ZNF804A: variants seen among roughly 807,000 people sequenced by gnomAD.
The protein encoded by ZNF804A is zinc finger protein 804A.
In ZNF804A, 2 loss-of-function variants were observed where a neutral mutation model predicts 16.5. That is an observed-to-expected ratio of 0.12 (90% CI 0.05 to 0.38). The LOEUF is 0.38. Among genes scored for constraint, ZNF804A ranks in the 10% least tolerant of loss-of-function variants. The pLI, the probability that ZNF804A is intolerant of heterozygous loss-of-function variation, is 0.99. For synonymous variants in ZNF804A, 534 were observed against 489.6 expected (o/e 1.09, Z -1.20); for missense variants, 1,473 against 1,390.7 (o/e 1.06, Z -0.94).
At chr2:184,684,497 G>A (rs1692596607) in intron 1 of ZNF804A, among the ~76,000 whole-genome samples, 1 of 152,178 alleles carries the variant, frequency 6.6e-6, no homozygotes, top group Non-Finnish European at 1.5e-5. Context: ...TATGTATGGA[G>A]GCTGAGTATT....
At chr2:184,771,220 T>C (rs1294614277) in intron 1 of ZNF804A, among the ~76,000 whole-genome samples, 2 of 152,084 alleles carry the variant, frequency 1.3e-5, no homozygotes, top group South Asian at 2.1e-4. Context: ...TTCAACATTT[T>C]TGAAATTAAA....
rs563590119 is a variant in ZNF804A, at chr2:184,897,803, A to C, written c.255+31291A>C. On this transcript the variant is annotated intron_variant, in intron 2 of 3. Coordinates refer to ENST00000302277, the MANE Select transcript of ZNF804A (RefSeq NM_194250.2). ...CACACCCCCATACTTCCATCATTAT[A>C]GTTTCTTTGTTTCTTTATTTGTTTT... 2.0e-5 allele frequency among the ~76,000 whole-genome samples: 3 copies of C among 152,012 alleles called. No homozygotes were observed. The South Asian group carries it at 6.2e-4, about 32-fold the overall frequency.
chr2:184,705,705 C>T (rs1480523979), intron 1 of ZNF804A, among the ~76,000 whole-genome samples: 1 of 151,990 alleles, frequency 6.6e-6, no homozygotes, highest in Non-Finnish European at 1.5e-5. Flanking sequence ...AAACAACTTC[C>T]TTTCACACAT....
At chr2:184,739,556 G>A (rs1693682293) in intron 1 of ZNF804A, among the ~76,000 whole-genome samples, 1 of 152,038 alleles carries the variant, frequency 6.6e-6, no homozygotes, top group Non-Finnish European at 1.5e-5. Flanking sequence ...ACAAAGCCTG[G>A]CTCATTTTTT....
At chr2:184,601,592 G>A (rs977834434) in intron 1 of ZNF804A, among the ~76,000 whole-genome samples, 19 of 151,768 alleles carry the variant, frequency 1.3e-4, no homozygotes, top group African/African-American at 4.6e-4. Flanking sequence ...CGTGTACAAT[G>A]ATTTTAATCC....
intron 1 of ZNF804A, among the ~76,000 whole-genome samples, chr2:184,683,840 C>T (rs1692581575): frequency 6.6e-6 from 1 of 152,056 alleles, no homozygotes; most frequent in Non-Finnish European, 1.5e-5. Context: ...GTAATAATGT[C>T]AGCTTTCTTA....
intron 1 of ZNF804A, among the ~76,000 whole-genome samples, chr2:184,712,749 A>G (rs901485903): frequency 1.3e-5 from 2 of 151,434 alleles, no homozygotes; most frequent in African/African-American, 4.8e-5. Context: ...TATAATTTCT[A>G]ATGACCTTCA....
intron 1 of ZNF804A, among the ~76,000 whole-genome samples, chr2:184,709,265 G>C (rs1227892341): frequency 6.6e-6 from 1 of 152,032 alleles, no homozygotes; most frequent in Non-Finnish European, 1.5e-5. Flanking sequence ...TTTATCTAAA[G>C]AAACAAGTTG....
At chr2:184,918,217 C>T (rs1315201652) in intron 2 of ZNF804A, among the ~76,000 whole-genome samples, 1 of 152,162 alleles carries the variant, frequency 6.6e-6, no homozygotes, top group East Asian at 1.9e-4. Context: ...CCCTCCTTTG[C>T]CTGTTGATTC....
intron 2 of ZNF804A, among the ~76,000 whole-genome samples, chr2:184,886,861 T>C (rs1684899104): frequency 6.6e-6 from 1 of 152,226 alleles, no homozygotes; most frequent in Non-Finnish European, 1.5e-5. Context: ...CCTCCAGGCC[T>C]GTGATGAGAG....
In ZNF804A at chr2:184,643,854, C is replaced by T. The variant is rs927645709; in HGVS notation, c.111+44784C>T. Among the ~76,000 whole-genome samples, 14 of 150,820 alleles carry T rather than the reference C, an allele frequency of 9.3e-5. No homozygotes were observed. In the South Asian group the frequency reaches 1.0e-3, roughly 11 times the overall value. On this transcript the variant is annotated intron_variant, in intron 1 of 3. Transcript: ENST00000302277. Reference sequence around the variant, plus strand: ...TAATTTTAAAAAGGCATTGGAAAACCGAACAGAACCTGACAATATGGGTTC... The same window carrying T: ...TAATTTTAAAAAGGCATTGGAAAACTGAACAGAACCTGACAATATGGGTTC...
intron 1 of ZNF804A, among the ~76,000 whole-genome samples, chr2:184,710,453 A>C (rs1693107746): frequency 6.6e-6 from 1 of 151,628 alleles, no homozygotes; most frequent in Non-Finnish European, 1.5e-5. Flanking sequence ...TTCTGAAAGC[A>C]AATACCTTAT....
At chr2:184,927,307 A>G (rs1685627091) in intron 2 of ZNF804A, among the ~76,000 whole-genome samples, 1 of 152,208 alleles carries the variant, frequency 6.6e-6, no homozygotes, top group South Asian at 2.1e-4. Flanking sequence ...TTACCAGACA[A>G]AGACTCCTGT....
chr2:184,934,912 T>C (rs902187951), intron 3 of ZNF804A, among the ~76,000 whole-genome samples: 5 of 152,124 alleles, frequency 3.3e-5, no homozygotes, highest in African/African-American at 1.2e-4. Context: ...AATGAAGCAA[T>C]ACATTGTGTT....
At chr2:184,807,602 C>G (rs1264318291) in intron 1 of ZNF804A, among the ~76,000 whole-genome samples, 1 of 151,734 alleles carries the variant, frequency 6.6e-6, no homozygotes, top group African/African-American at 2.4e-5. Context: ...TGAGAAAATG[C>G]TGTTTTAAAA....
At chr2:184,697,058 T>C (rs935102677) in intron 1 of ZNF804A, among the ~76,000 whole-genome samples, 5 of 152,176 alleles carry the variant, frequency 3.3e-5, no homozygotes, top group Admixed American at 6.5e-5. Context: ...AAAATATGAT[T>C]ACTCTTTACA....
At chr2:184,636,950 A>G (rs1245445553) in intron 1 of ZNF804A, among the ~76,000 whole-genome samples, 1 of 152,148 alleles carries the variant, frequency 6.6e-6, no homozygotes, top group African/African-American at 2.4e-5. Context: ...TCAGCTCAGA[A>G]TAACTTTATC....
chr2:184,880,198 G>T (rs535136485), intron 2 of ZNF804A, among the ~76,000 whole-genome samples: 1 of 152,122 alleles, frequency 6.6e-6, no homozygotes, highest in South Asian at 2.1e-4. Flanking sequence ...TCACTGTTAA[G>T]AGGTTATAAA....
chr2:184,608,428 G>A (rs1218903634), intron 1 of ZNF804A, among the ~76,000 whole-genome samples: 1 of 152,144 alleles, frequency 6.6e-6, no homozygotes, highest in Non-Finnish European at 1.5e-5. Flanking sequence ...AAACAAAGTG[G>A]GGGTAGGGCT....
Sources: gnomAD v4.1 joint callset for allele counts (sites outside exome capture counted in the v4.1 genomes callset) on GRCh38, gnomAD v4.1.1 for gene constraint, MANE v1.5 for transcripts, NCBI Gene and HGNC (gene_info 2026-07-23, HGNC 2026-07-21) for gene names.